The following VEZF1 variants were observed in gnomAD, a reference collection of about 807,000 sequenced individuals.
VEZF1 encodes the protein vascular endothelial zinc finger 1, also known as putative transcription factor DB1.
Under a neutral mutation model 44.1 loss-of-function variants are expected in VEZF1, and 5 were observed. The ratio of observed to expected loss-of-function variants is 0.11; its 90% CI spans 0.06 to 0.24. The LOEUF is 0.24. Among genes scored for constraint, VEZF1 ranks in the 10% least tolerant of loss-of-function variants. VEZF1 has a pLI of 1.00. For synonymous variants in VEZF1, 236 were observed against 233.1 expected (o/e 1.01, Z -0.11); for missense variants, 358 against 641.8 (o/e 0.56, Z 4.78).
chr17:57,981,855 A>G lies in VEZF1; in HGVS notation c.792+18T>C. 2 of 1,611,052 alleles carry G rather than the reference A, an allele frequency of 1.2e-6. No homozygotes were observed. Among genetic ancestry groups the G allele is most frequent in the East Asian group, 2.2e-5 (1 of 44,864 alleles). On this transcript the variant is annotated intron_variant, in intron 3 of 5. Transcript: ENST00000581208. ...TGCATTAAGTGCTACACTAAGGATA[A>G]GTCATTTTAACTCTTACTTGGCATT...
rs1437174745 is a variant in VEZF1, at chr17:57,982,799, G to A, written c.628C>T (p.Arg210Cys). 1.9e-6 allele frequency: 3 copies of A among 1,614,030 alleles called. No homozygotes were observed. Among genetic ancestry groups the A allele is most frequent in the Non-Finnish European group, 2.5e-6 (3 of 1,180,042 alleles). Residue 210 changes from arginine (R) to cysteine (C), a missense_variant, in exon 2 of 6, where the codon CGC (arginine) becomes TGC (cysteine). By Grantham distance (180) the Arg-to-Cys change is radical (BLOSUM62 -3). This residue lies in a region of VEZF1 where 48 missense variants were observed against 144.9 expected (regional missense o/e 0.33). Coordinates refer to ENST00000581208, the MANE Select transcript of VEZF1 (RefSeq NM_007146.3). Reference sequence around the variant, plus strand: ...GTCATCCGGTCCTTCCTCTTGAAGCGCTGATTACAAATAGGACACTCAAAG... The same window carrying A: ...GTCATCCGGTCCTTCCTCTTGAAGCACTGATTACAAATAGGACACTCAAAG... ...KPFECPICNQ[R>C]FKRKDRMTYH...
intron 5 of VEZF1, among the ~76,000 whole-genome samples, chr17:57,976,496 T>C (rs567630141): frequency 1.9e-4 from 29 of 152,326 alleles, no homozygotes; most frequent in African/African-American, 5.8e-4. Context: ...TTGGGAAATG[T>C]GTATTTTTAA....
At position 57,979,225 on chromosome 17, in the gene VEZF1, A is replaced by G. The variant is rs1009951435; in HGVS notation, c.1065T>C (p.His355=). 6.2e-7 allele frequency: 1 copy of G among 1,610,302 alleles called. No individual in the cohort carries two copies. Among genetic ancestry groups the G allele is most frequent in the Admixed American group, 1.7e-5 (1 of 59,760 alleles). ...CTTGCTTCCCTGGCCAGCTTGTCAC[A>G]TGTTGTTGTTGTTGTTGTTGCTGCT... ...QQQQQQQQQQ[H]VTSWPGKQVE... The change falls in exon 5 of 6, where the codon CAT becomes CAC. Residue 355 remains histidine, a synonymous_variant. Coordinates refer to ENST00000581208, the MANE Select transcript of VEZF1 (RefSeq NM_007146.3).
chr17:57,974,212 T>C lies in VEZF1; in HGVS notation c.*261A>G. On this transcript the variant is annotated 3_prime_UTR_variant, in exon 6 of 6. Transcript: ENST00000581208. ...GATTGGTTTTAATTCTGGCATTTCATCTTGCCAACTACTATCCTGTTTAAG... is the reference window on the plus strand; with the variant it reads ...GATTGGTTTTAATTCTGGCATTTCACCTTGCCAACTACTATCCTGTTTAAG... The C allele has an allele frequency of 2.1e-6, 1 of 473,510 alleles. No homozygotes were observed. The highest frequency in any genetic ancestry group is 3.6e-5 in the Admixed American group (1 of 27,820). The allele number at this position is 473,510 out of a possible 1,614,324, so 29.3% of individuals were successfully genotyped here.
rs1313247804 is a variant in VEZF1, at chr17:57,983,237, C to T, written c.190G>A (p.Gly64Arg). The change falls in exon 2 of 6, where the codon GGG (glycine) becomes AGG (arginine). Residue 64 changes from glycine (G) to arginine (R), a missense_variant. Gly to Arg is a moderately radical substitution (Grantham distance 125, BLOSUM62 -2). Transcript: ENST00000581208. ...GAPETLKDAI[G>R]IKKEKPKTSF... Reference sequence around the variant, plus strand: ...GTTTTGGGTTTTTCTTTTTTAATCCCAATGGCATCCTTTAATGTTTCTGGT... The same window carrying T: ...GTTTTGGGTTTTTCTTTTTTAATCCTAATGGCATCCTTTAATGTTTCTGGT... 1 of 1,613,854 alleles carries T rather than the reference C, an allele frequency of 6.2e-7. No individual in the cohort carries two copies. The highest frequency in any genetic ancestry group is 1.3e-5 in the African/African-American group (1 of 74,900).
Position 57,980,628 on chromosome 17 carries a change from A to G in VEZF1, c.951T>C (p.Asn317=). ...TTTTACTGATGCCTTGTTTACATGT[A>G]TTACAGTTGATACTTTGGCTCTGCC... ...THGQSQSINC[N]TCKQGISKTC... The change falls in exon 4 of 6, where the codon AAT becomes AAC. Residue 317 remains asparagine, a synonymous_variant. Transcript: ENST00000581208. 1 of 1,613,188 alleles carries G rather than the reference A, an allele frequency of 6.2e-7. No individual in the cohort carries two copies. Among genetic ancestry groups the G allele is most frequent in the Non-Finnish European group, 8.5e-7 (1 of 1,180,032 alleles).
chr17:57,979,745 G>A (rs761433631), intron 4 of VEZF1, among the ~76,000 whole-genome samples: 39 of 151,960 alleles, frequency 2.6e-4, no homozygotes, highest in Admixed American at 5.2e-4. Flanking sequence ...GGACTGTCTG[G>A]GCTCAGGAGT....
intron 3 of VEZF1, 74 bp from the exon 4 acceptor site, chr17:57,980,860 G>A (rs2075243434): frequency 2.0e-6 from 3 of 1,469,018 alleles, no homozygotes; most frequent in South Asian, 1.2e-5. Flanking sequence ...GTTATATTCT[G>A]TGCATTACCC....
chr17:57,977,995 G>A (rs2075209037), intron 5 of VEZF1, among the ~76,000 whole-genome samples: 1 of 152,060 alleles, frequency 6.6e-6, no homozygotes, highest in African/African-American at 2.4e-5. Context: ...TTGAGATCAG[G>A]AGTTCAAGAC....
chr17:57,976,499 A>G (rs1467174817), intron 5 of VEZF1, among the ~76,000 whole-genome samples: 1 of 152,234 alleles, frequency 6.6e-6, no homozygotes, highest in East Asian at 1.9e-4. Flanking sequence ...GGAAATGTGT[A>G]TTTTTAAAAA....
intron 1 of VEZF1, among the ~76,000 whole-genome samples, chr17:57,987,055 G>A (rs2075300987): frequency 6.6e-6 from 1 of 152,232 alleles, no homozygotes; most frequent in African/African-American, 2.4e-5. Context: ...CCCATCTAAA[G>A]TGGGCGGGCA....
chr17:57,981,972 G>A lies in VEZF1; in HGVS notation c.729-36C>T, dbSNP rs1303219938. 4 of 1,602,312 alleles carry A rather than the reference G, an allele frequency of 2.5e-6. No individual in the cohort carries two copies. In the South Asian group the frequency reaches 3.3e-5, roughly 13 times the overall value. On this transcript the variant is annotated intron_variant, in intron 2 of 5. Coordinates refer to ENST00000581208, the MANE Select transcript of VEZF1 (RefSeq NM_007146.3). Reference sequence around the variant, plus strand: ...GAGAGTTTCAACAGAAGATATAATCGAACACATAGAGAAATGCTACTTATG... The same window carrying A: ...GAGAGTTTCAACAGAAGATATAATCAAACACATAGAGAAATGCTACTTATG...
chr17:57,986,724 T>C (rs2075296954), intron 1 of VEZF1, among the ~76,000 whole-genome samples: 1 of 152,218 alleles, frequency 6.6e-6, no homozygotes, highest in South Asian at 2.1e-4. Flanking sequence ...TTCTGAGTTA[T>C]CCAATTCTCT....
At position 57,974,805 on chromosome 17, in the gene VEZF1, T is replaced by C. The variant is rs755016865; in HGVS notation, c.1234A>G (p.Met412Val). The change falls in exon 6 of 6, where the codon ATG becomes GTG. Residue 412 changes from methionine (M) to valine (V), a missense_variant. Physicochemically the swap from Met to Val is conservative, Grantham distance 21 (BLOSUM62 1). Around this residue, in one of 4 missense-constraint regions of VEZF1, gnomAD observed 171 missense variants for 272.4 expected, o/e 0.63. Transcript: ENST00000581208. ...SITSSVSSGT[M>V]SNPVTVAAAM... is the part of the protein sequence containing the mutation. The stretch of plus-strand genomic sequence containing the variant: ...GCTGCCACTGTGACTGGGTTTGACA[T>C]AGTCCCAGACGACACAGAGGATGTT... The C allele has an allele frequency of 2.0e-5, 32 of 1,614,048 alleles. No homozygotes were observed. In the South Asian group the frequency reaches 2.7e-4, roughly 14 times the overall value.
Position 57,980,459 on chromosome 17 carries a change from C to A in VEZF1, c.976+144G>T, listed in dbSNP as rs1305566010. 8.3e-6 allele frequency: 6 copies of A among 718,688 alleles called. No individual in the cohort carries two copies. In the Admixed American group the frequency reaches 1.6e-4, roughly 19 times the overall value. The allele number at this position is 718,688 out of a possible 1,614,324, so 44.5% of individuals were successfully genotyped here. A position where few individuals can be genotyped will look rare whatever the true frequency, so the allele number is the denominator to read the frequency against. Reference sequence around the variant, plus strand: ...AAAGCATAGTTCTGACATTAATATACTCTGTCCATTGTTGCCTGTTTGCAC... The same window carrying A: ...AAAGCATAGTTCTGACATTAATATAATCTGTCCATTGTTGCCTGTTTGCAC... On this transcript the variant is annotated intron_variant, in intron 4 of 5. Transcript: ENST00000581208.
At chr17:57,987,816 A>T (rs1325431996) in intron 1 of VEZF1, among the ~76,000 whole-genome samples, 1 of 150,594 alleles carries the variant, frequency 6.6e-6, no homozygotes, top group Non-Finnish European at 1.5e-5. Flanking sequence ...GGTGTGTGTG[A>T]GTGTGTGTGT....
intron 5 of VEZF1, among the ~76,000 whole-genome samples, chr17:57,977,553 A>C (rs2075203833): frequency 6.6e-6 from 1 of 152,186 alleles, no homozygotes. Context: ...AATGTATGAA[A>C]AAGAATGTCG....
In VEZF1 at chr17:57,988,062, G is replaced by A; in HGVS notation, c.33+17C>T. 3.1e-6 allele frequency: 1 copy of A among 319,176 alleles called. No homozygotes were observed. Among genetic ancestry groups the A allele is most frequent in the Non-Finnish European group, 4.8e-6 (1 of 209,166 alleles). The allele number at this position is 319,176 out of a possible 1,614,324, so 19.8% of individuals were successfully genotyped here. ...CCCCCTGTCCCCCCCGTGCCCCCCC[G>A]GGGGGGCCCCCAGTACCTGGAACAG... On this transcript the variant is annotated intron_variant, in intron 1 of 5. Transcript: ENST00000581208.
intron 4 of VEZF1, among the ~76,000 whole-genome samples, chr17:57,980,150 G>C (rs570124219): frequency 1.3e-5 from 2 of 152,038 alleles, no homozygotes; most frequent in South Asian, 4.2e-4. Context: ...CTATTTTTTT[G>C]AGAATTTGAT....
Sources: gnomAD v4.1 joint callset for allele counts (sites outside exome capture counted in the v4.1 genomes callset) on GRCh38, gnomAD v4.1.1 for gene constraint, gnomAD v4.1.1 regional missense constraint, MANE v1.5 for transcripts, NCBI Gene and HGNC (gene_info 2026-07-23, HGNC 2026-07-21) for gene names.